RUNDC1: variants seen among roughly 807,000 people sequenced by gnomAD.
The protein encoded by RUNDC1 is RUN domain containing 1.
Under a neutral mutation model 49.3 loss-of-function variants are expected in RUNDC1, and 31 were observed. That is an observed-to-expected ratio of 0.63 (90% CI 0.47 to 0.85). The LOEUF is 0.85. Ranked by LOEUF, RUNDC1 falls within the 40% of genes least tolerant of loss-of-function variation. The pLI is 0.00. For synonymous variants in RUNDC1, 347 were observed against 348.6 expected (o/e 1.00, Z 0.05); for missense variants, 715 against 806.7 (o/e 0.89, Z 1.38).
In RUNDC1 at chr17:42,989,507, G is replaced by C. The variant is rs2050211279; in HGVS notation, c.824G>C (p.Arg275Pro). 1 of 1,614,188 alleles carries C rather than the reference G, an allele frequency of 6.2e-7. No individual in the cohort carries two copies. Among genetic ancestry groups the C allele is most frequent in the East Asian group, 2.2e-5 (1 of 44,888 alleles). ...GTTGAGCAACTGAAAACTCAGATCCGAGACCTTGAGATGTTTATCAACTTC... is the reference window on the plus strand; with the variant it reads ...GTTGAGCAACTGAAAACTCAGATCCCAGACCTTGAGATGTTTATCAACTTC... ...QLVEQLKTQI[R>P]DLEMFINFIQ... The change falls in exon 3 of 5, where the codon CGA becomes CCA. Residue 275 changes from arginine to proline, a missense_variant. Around this residue, in one of 5 missense-constraint regions of RUNDC1, gnomAD observed 425 missense variants for 499.7 expected, o/e 0.85. Transcript: ENST00000361677.
At chr17:42,985,349 G>A (rs561425510) in intron 1 of RUNDC1, among the ~76,000 whole-genome samples, 2 of 152,306 alleles carry the variant, frequency 1.3e-5, no homozygotes, top group South Asian at 4.1e-4. Context: ...AATGTGATAT[G>A]AGCTAGACTA....
At chr17:42,983,309 C>T (rs1181859471) in intron 1 of RUNDC1, among the ~76,000 whole-genome samples, 1 of 150,318 alleles carries the variant, frequency 6.7e-6, no homozygotes, top group Non-Finnish European at 1.5e-5. Flanking sequence ...CAGGTAGGAC[C>T]AGAGTAGGGA....
chr17:42,985,614 T>TG, intron 1 of RUNDC1: 1 of 369,356 alleles, frequency 2.7e-6, no homozygotes, highest in Non-Finnish European at 3.5e-6. Flanking sequence ...TTTTTTTTTT[T>TG]TTTTCATTTC....
chr17:42,986,715 A>G (rs1397539716), intron 1 of RUNDC1, among the ~76,000 whole-genome samples: 1 of 151,448 alleles, frequency 6.6e-6, no homozygotes, highest in Non-Finnish European at 1.5e-5. Flanking sequence ...GTTAGCCAGG[A>G]TGGTCAATCT....
chr17:42,990,064 G>T (rs1347671657), intron 3 of RUNDC1, among the ~76,000 whole-genome samples: 1 of 152,154 alleles, frequency 6.6e-6, no homozygotes, highest in Admixed American at 6.6e-5. Flanking sequence ...ATACTCATTG[G>T]TTTTATGTCC....
intron 1 of RUNDC1, among the ~76,000 whole-genome samples, chr17:42,982,438 C>T (rs546725363): frequency 5.5e-4 from 84 of 152,222 alleles, no homozygotes; most frequent in Middle Eastern, 3.4e-3. Flanking sequence ...TACTGTTCCA[C>T]CCTTCTCCAC....
intron 1 of RUNDC1, among the ~76,000 whole-genome samples, chr17:42,982,734 G>A (rs1162739542): frequency 6.6e-6 from 1 of 151,654 alleles, no homozygotes; most frequent in Non-Finnish European, 1.5e-5. Context: ...AGCACTTTGG[G>A]AGGCCAAGGC....
Position 42,983,216 on chromosome 17 carries a change from T to TAAA in RUNDC1, c.498+2157_498+2159dup, listed in dbSNP as rs60468535. On this transcript the variant is annotated intron_variant, in intron 1 of 4. Coordinates refer to ENST00000361677, the MANE Select transcript of RUNDC1 (RefSeq NM_173079.5). Reference sequence around the variant, plus strand: ...AGGCAAAAGAAACATTGTACCACCTTAAAAAAAAAAAAAAAAAGTAGTGCT... The same window carrying TAAA: ...AGGCAAAAGAAACATTGTACCACCTTAAAAAAAAAAAAAAAAAAAAGTAGTGCT... Among the ~76,000 whole-genome samples the TAAA allele has an allele frequency of 2.7e-3, 347 of 130,540 alleles. 6 individuals carry two copies. Among genetic ancestry groups the TAAA allele is most frequent in the Middle Eastern group, 0.015 (4 of 260 alleles). The allele number at this position is 130,540 out of a possible 152,430, so 85.6% of individuals were successfully genotyped here. A position where few individuals can be genotyped will look rare whatever the true frequency, so the allele number is the denominator to read the frequency against.
At chr17:42,985,215 T>TA (rs1430705220) in intron 1 of RUNDC1, among the ~76,000 whole-genome samples, 1 of 152,196 alleles carries the variant, frequency 6.6e-6, no homozygotes, top group Non-Finnish European at 1.5e-5. Context: ...TTCAGTAACA[T>TA]ACAACAAATG....
chr17:42,984,594 G>C (rs2050145247), intron 1 of RUNDC1, among the ~76,000 whole-genome samples: 1 of 152,222 alleles, frequency 6.6e-6, no homozygotes, highest in Non-Finnish European at 1.5e-5. Context: ...AATGATTTAT[G>C]TTATTTCCTG....
rs761520902 is a variant in RUNDC1, at chr17:42,991,354, C to T, written c.1480C>T (p.Arg494Trp). The change falls in exon 5 of 5, where the codon CGG becomes TGG. Residue 494 changes from arginine (R) to tryptophan (W), a missense_variant. Around this residue, in one of 5 missense-constraint regions of RUNDC1, gnomAD observed 425 missense variants for 499.7 expected, o/e 0.85. Coordinates refer to ENST00000361677, the MANE Select transcript of RUNDC1 (RefSeq NM_173079.5). ...NGRAYVESPA[R>W]KLSQSFALPV... ...CCGTGCTTATGTGGAATCCCCAGCC[C>T]GGAAGCTCTCCCAGTCCTTCGCCCT... 29 of 1,614,104 alleles carry T rather than the reference C, an allele frequency of 1.8e-5. No homozygotes were observed. The highest frequency in any genetic ancestry group is 9.9e-5 in the South Asian group (9 of 91,080).
chr17:42,983,501 G>T (rs542479384), intron 1 of RUNDC1, among the ~76,000 whole-genome samples: 1 of 149,038 alleles, frequency 6.7e-6, no homozygotes, highest in Non-Finnish European at 1.5e-5. Context: ...TCAGCCTCTC[G>T]AGTAACTGGG....
chr17:42,991,751 C>T lies in RUNDC1; in HGVS notation c.*35C>T. 4 of 1,578,468 alleles carry T rather than the reference C, an allele frequency of 2.5e-6. No individual in the cohort carries two copies. The highest frequency in any genetic ancestry group is 3.4e-6 in the Non-Finnish European group (4 of 1,163,650). On this transcript the variant is annotated 3_prime_UTR_variant, in exon 5 of 5. Coordinates refer to ENST00000361677, the MANE Select transcript of RUNDC1 (RefSeq NM_173079.5). ...CCTAACCCCAGACAAGCTCCTTGTT[C>T]AGTAGGGATAGATGTGCTAGTCTTC...
At chr17:42,982,711 C>T (rs901218652) in intron 1 of RUNDC1, among the ~76,000 whole-genome samples, 6 of 151,766 alleles carry the variant, frequency 4.0e-5, no homozygotes, top group Non-Finnish European at 7.4e-5. Context: ...CAGTGGCTCA[C>T]GCCTGTAATC....
At position 42,991,568 on chromosome 17, in the gene RUNDC1, T is replaced by A; in HGVS notation, c.1694T>A (p.Ile565Asn). ...CTCATCTGCAAGTCCGGGTCACTCA[T>A]CGAGCCTCACTACCAGCCCTGGAGC... ...VNLICKSGSL[I>N]EPHYQPWSYM... Residue 565 changes from isoleucine (I) to asparagine (N), a missense_variant, in exon 5 of 5, where the codon ATC becomes AAC. By Grantham distance (149) the Ile-to-Asn change is moderately radical. This residue lies in a region of RUNDC1 where 425 missense variants were observed against 499.7 expected (regional missense o/e 0.85). Coordinates refer to ENST00000361677, the MANE Select transcript of RUNDC1 (RefSeq NM_173079.5). 6.2e-7 allele frequency: 1 copy of A among 1,614,174 alleles called. No individual in the cohort carries two copies. The highest frequency in any genetic ancestry group is 8.5e-7 in the Non-Finnish European group (1 of 1,180,022).
chr17:42,981,250 A>C (rs2050080896), intron 1 of RUNDC1, 176 bp downstream of exon 1: 1 of 786,088 alleles, frequency 1.3e-6, no homozygotes, highest in Non-Finnish European at 1.9e-6. Context: ...AAGAGGACAG[A>C]GGCCTGGGAA....
chr17:42,981,099 A>G (rs1398992878), intron 1 of RUNDC1, 25 bp downstream of exon 1: 4 of 1,547,280 alleles, frequency 2.6e-6, no homozygotes, highest in East Asian at 2.5e-5. Context: ...CCGGGCCGCG[A>G]GGAATATGGG....
chr17:42,989,501 A>G lies in RUNDC1; in HGVS notation c.818A>G (p.Gln273Arg). The G allele has an allele frequency of 6.2e-7, 1 of 1,614,164 alleles. No homozygotes were observed. The highest frequency in any genetic ancestry group is 8.5e-7 in the Non-Finnish European group (1 of 1,179,974). ...KEQLVEQLKT[Q>R]IRDLEMFINF... ...CAGTTGGTTGAGCAACTGAAAACTC[A>G]GATCCGAGACCTTGAGATGTTTATC... is the stretch of plus-strand genomic sequence containing the variant. The change falls in exon 3 of 5, where the codon CAG becomes CGG. Residue 273 changes from glutamine (Q) to arginine (R), a missense_variant. Around this residue, in one of 5 missense-constraint regions of RUNDC1, gnomAD observed 425 missense variants for 499.7 expected, o/e 0.85. Coordinates refer to ENST00000361677, the MANE Select transcript of RUNDC1 (RefSeq NM_173079.5).
intron 2 of RUNDC1, among the ~76,000 whole-genome samples, chr17:42,988,205 A>G (rs2050194551): frequency 6.6e-6 from 1 of 150,414 alleles, no homozygotes; most frequent in South Asian, 2.1e-4. Flanking sequence ...ATGTTTCTCT[A>G]CCCCTGTGCT....
Sources: gnomAD v4.1 joint callset for allele counts (sites outside exome capture counted in the v4.1 genomes callset) on GRCh38, gnomAD v4.1.1 for gene constraint, gnomAD v4.1.1 regional missense constraint, MANE v1.5 for transcripts, NCBI Gene and HGNC (gene_info 2026-07-23, HGNC 2026-07-21) for gene names.